Variants in ARHGEF40 observed in about 807,000 individuals in gnomAD.
ARHGEF40 encodes Rho guanine nucleotide exchange factor (GEF) 40.
A neutral mutation model predicts 165.9 loss-of-function variants in ARHGEF40; 98 were observed. The ratio of observed to expected loss-of-function variants is 0.59; its 90% CI spans 0.50 to 0.70. ARHGEF40 has a LOEUF of 0.70. Ranked by LOEUF, ARHGEF40 falls within the 30% of genes least tolerant of loss-of-function variation. The probability of loss-of-function intolerance (pLI) is 0.00; values close to 1 mark genes in which losing one functional copy is unlikely to be tolerated. For missense variants in ARHGEF40, 1,815 were observed against 1,968.0 expected, an observed-to-expected ratio of 0.92 and a Z score of 1.47; for synonymous variants, 792 against 814.3, an observed-to-expected ratio of 0.97 and a Z score of 0.47.
the ARHGEF40 span, among the ~76,000 whole-genome samples, chr14:21,064,529 T>C: frequency 2.0e-5 from 3 of 152,244 alleles, no homozygotes; most frequent in Non-Finnish European, 4.4e-5. Flanking sequence ...CTTGAACTCC[T>C]GACCTCAGGT....
In ARHGEF40 at chr14:21,074,705, C is replaced by T; in HGVS notation, c.975C>T (p.Val325=). 1 of 1,594,154 alleles carries T rather than the reference C, an allele frequency of 6.3e-7. No homozygotes were observed. Among genetic ancestry groups the T allele is most frequent in the Non-Finnish European group, 8.5e-7 (1 of 1,171,402 alleles). The change falls in exon 3 of 24, where the codon GTC becomes GTT. Residue 325 remains valine (V), a synonymous_variant. Coordinates refer to ENST00000298694, the MANE Select transcript of ARHGEF40 (RefSeq NM_018071.5). This position sits in a 1 kb window ranked among gnomAD's most constrained non-coding sequence, Gnocchi z 4.8. ...SPESPPGAEA[V]PEAAVLEVSE... is the part of the protein sequence containing the mutation. ...AGTCTCCCCCAGGAGCTGAGGCTGTCCCAGAGGCAGCAGTCTTGGAGGTGT... is the reference window on the plus strand; with the variant it reads ...AGTCTCCCCCAGGAGCTGAGGCTGTTCCAGAGGCAGCAGTCTTGGAGGTGT...
At chr14:21,068,750 A>C (rs1454682858), upstream of ARHGEF40, among the ~76,000 whole-genome samples, 2 of 152,366 alleles carry the variant, frequency 1.3e-5, no homozygotes, top group East Asian at 3.9e-4. Context: ...TGTGCGGGGA[A>C]GATGGTTACC....
chr14:21,073,785 T>A lies in ARHGEF40; in HGVS notation c.202-147T>A. 1.1e-6 allele frequency: 1 copy of A among 886,324 alleles called. No individual in the cohort carries two copies. Among genetic ancestry groups the A allele is most frequent in the Non-Finnish European group, 1.7e-6 (1 of 594,122 alleles). 54.9% of individuals were successfully genotyped at this position (886,324 alleles called of 1,614,324 possible). On this transcript the variant is annotated intron_variant, in intron 2 of 23. Transcript: ENST00000298694. This position sits in a 1 kb window ranked among gnomAD's most constrained non-coding sequence, Gnocchi z 4.6. ...AATCCCTTCCTCTCTGCCACCTGAA[T>A]ACCCCAAATCTCCCCTCCTGCTCTC... is the stretch of plus-strand genomic sequence containing the variant.
At chr14:21,063,884 T>C in the ARHGEF40 span, among the ~76,000 whole-genome samples, 1 of 152,186 alleles carries the variant, frequency 6.6e-6, no homozygotes, top group Admixed American at 6.5e-5. Flanking sequence ...CCTATGGAGA[T>C]AGCTTGTCCC....
At chr14:21,069,851 G>C (rs1296299985), upstream of ARHGEF40, among the ~76,000 whole-genome samples, 2 of 152,238 alleles carry the variant, frequency 1.3e-5, no homozygotes, top group African/African-American at 2.4e-5. Flanking sequence ...AGGATCCCGG[G>C]CGAGTTAGAG....
Position 21,085,797 on chromosome 14 carries a change from C to T in ARHGEF40, c.4069C>T (p.Pro1357Ser), listed in dbSNP as rs748474481. Residue 1357 changes from proline to serine, a missense_variant, in exon 19 of 24, where the codon CCA (proline) becomes TCA (serine). Pro to Ser is a moderately conservative substitution (Grantham distance 74, BLOSUM62 -1). Coordinates refer to ENST00000298694, the MANE Select transcript of ARHGEF40 (RefSeq NM_018071.5). ...REAYTLQATS[P>S]EIKLKWTSSI... The stretch of plus-strand genomic sequence containing the variant: ...GGCATACACTCTGCAGGCAACCTCA[C>T]CAGAGATCAAACTCAAGTGGACAAG... 1.2e-6 allele frequency: 2 copies of T among 1,614,064 alleles called. No homozygotes were observed. Among genetic ancestry groups the T allele is most frequent in the East Asian group, 4.5e-5 (2 of 44,902 alleles).
intron 15 of ARHGEF40, 143 bp from the exon 16 acceptor site, chr14:21,082,688 G>A (rs1888019385): frequency 9.7e-7 from 1 of 1,034,954 alleles, no homozygotes; most frequent in Non-Finnish European, 1.4e-6. Flanking sequence ...TCTCCACAGG[G>A]AGCCCTTCCC....
chr14:21,062,397 G>A, the ARHGEF40 span, among the ~76,000 whole-genome samples: 1 of 152,170 alleles, frequency 6.6e-6, no homozygotes, highest in African/African-American at 2.4e-5. Context: ...GTGGAACCTG[G>A]ACCTCTGTCT....
chr14:21,080,854 C>A lies in ARHGEF40; in HGVS notation c.2497-19C>A. On this transcript the variant is annotated intron_variant, in intron 12 of 23. Coordinates refer to ENST00000298694, the MANE Select transcript of ARHGEF40 (RefSeq NM_018071.5). ...CCTAGGAGTGAGGACCAGGTCTGAG[C>A]GCAGCCTCCCTTCTCCAGGAGCGCC... 6.2e-7 allele frequency: 1 copy of A among 1,611,132 alleles called. No homozygotes were observed. Among genetic ancestry groups the A allele is most frequent in the Non-Finnish European group, 8.5e-7 (1 of 1,178,460 alleles).
upstream of ARHGEF40, among the ~76,000 whole-genome samples, chr14:21,068,879 G>C (rs1210950597): frequency 6.6e-6 from 1 of 152,242 alleles, no homozygotes; most frequent in Non-Finnish European, 1.5e-5. Flanking sequence ...GAAAAAGGTG[G>C]AGGTTAGCGT....
upstream of ARHGEF40, among the ~76,000 whole-genome samples, chr14:21,066,330 T>G (rs1201030074): frequency 1.3e-5 from 2 of 151,754 alleles, no homozygotes; most frequent in Non-Finnish European, 2.9e-5. Context: ...TTTTTGTTTT[T>G]TTTTTTTGGA....
chr14:21,079,906 T>C (rs959614211), intron 11 of ARHGEF40, among the ~76,000 whole-genome samples: 4 of 152,144 alleles, frequency 2.6e-5, no homozygotes, highest in African/African-American at 4.8e-5. Context: ...GTGTAAGATG[T>C]TGGACAAGTC....
Position 21,070,489 on chromosome 14 carries a change from C to T in ARHGEF40, c.3+90C>T, listed in dbSNP as rs770424666. ...AGTCCTCAGCCTGGTGCCTCCCGAG[C>T]CTGCCTCGGACTGTTCGGCCCCTCT... On this transcript the variant is annotated intron_variant, in intron 1 of 23. Transcript: ENST00000298694. This position sits in a 1 kb window ranked among gnomAD's most constrained non-coding sequence, Gnocchi z 4.7. 7.5e-5 allele frequency: 101 copies of T among 1,341,384 alleles called. No individual in the cohort carries two copies. Among genetic ancestry groups the T allele is most frequent in the Non-Finnish European group, 8.8e-5 (92 of 1,044,518 alleles). The allele number at this position is 1,341,384 out of a possible 1,614,324, so 83.1% of individuals were successfully genotyped here.
In ARHGEF40 at chr14:21,075,534, C is replaced by G; in HGVS notation, c.1618+35C>G. 1 of 1,613,998 alleles carries G rather than the reference C, an allele frequency of 6.2e-7. No homozygotes were observed. The highest frequency in any genetic ancestry group is 8.5e-7 in the Non-Finnish European group (1 of 1,180,004). On this transcript the variant is annotated intron_variant, in intron 4 of 23. Coordinates refer to ENST00000298694, the MANE Select transcript of ARHGEF40 (RefSeq NM_018071.5). This position sits in a 1 kb window ranked among gnomAD's most constrained non-coding sequence, Gnocchi z 4.5. ...CATCAGTGGGTGAAGGGAAACAGGA[C>G]TGGGAAAGAGAAGCAATTGGGTGGG...
At chr14:21,078,813 A>C (rs975543303) in intron 10 of ARHGEF40, 71 bp from the exon 11 acceptor site, 21 of 1,573,754 alleles carry the variant, frequency 1.3e-5, no homozygotes, top group Non-Finnish European at 8.7e-6. Flanking sequence ...TGCATCCCTC[A>C]GAGGCACGGA....
chr14:21,061,802 A>G, the ARHGEF40 span, among the ~76,000 whole-genome samples: 1 of 152,224 alleles, frequency 6.6e-6, no homozygotes, highest in African/African-American at 2.4e-5. Flanking sequence ...CATGGTTTGA[A>G]ATGAAACTTT....
At chr14:21,082,499 C>A in intron 15 of ARHGEF40, 21 bp downstream of exon 15, 1 of 1,552,620 alleles carries the variant, frequency 6.4e-7, no homozygotes, top group Non-Finnish European at 8.7e-7. Context: ...CCCTCAACTT[C>A]TTCCAAGTGC....
chr14:21,065,705 C>T (rs1003859745), upstream of ARHGEF40, among the ~76,000 whole-genome samples: 2 of 152,062 alleles, frequency 1.3e-5, no homozygotes, highest in African/African-American at 4.8e-5. Flanking sequence ...CAGCCAGTCA[C>T]TAGAATCGTG....
At chr14:21,071,577 T>C (rs964576664) in intron 1 of ARHGEF40, among the ~76,000 whole-genome samples, 36 of 152,166 alleles carry the variant, frequency 2.4e-4, no homozygotes, top group Non-Finnish European at 8.8e-5. Context: ...TGGGTCTCCG[T>C]GCTCCCGCCC....
Sources: allele counts gnomAD v4.1 joint callset (sites outside exome capture counted in the v4.1 genomes callset), GRCh38; gene constraint gnomAD v4.1.1; non-coding constraint Gnocchi (gnomAD v3.1); transcripts MANE v1.5; gene names NCBI Gene and HGNC (gene_info 2026-07-23, HGNC 2026-07-21).